The following C6 variants were observed in gnomAD, a reference collection of about 807,000 sequenced individuals.
C6 encodes the protein complement component C6.
C6 carries 101 observed loss-of-function variants against 112.9 expected under a neutral mutation model. The observed-to-expected ratio is 0.89, with a 90% CI of 0.76 to 1.06. The LOEUF (loss-of-function observed/expected upper bound fraction) is 1.06, where lower values mean the gene tolerates loss of function less well. Ranked by LOEUF, C6 falls within the 50% of genes least tolerant of loss-of-function variation. The pLI is 0.00. For missense variants in C6, 1,202 were observed against 1,104.6 expected, an observed-to-expected ratio of 1.09 and a Z score of -1.25; for synonymous variants, 431 against 384.1, an observed-to-expected ratio of 1.12 and a Z score of -1.43.
intron 9 of C6, among the ~76,000 whole-genome samples, chr5:41,165,906 A>G (rs1283019902): frequency 6.6e-6 from 1 of 152,156 alleles, no homozygotes; most frequent in East Asian, 1.9e-4. Flanking sequence ...AATACATCAC[A>G]GCATGAAATA....
chr5:41,258,960 G>A (rs1247367221), intron 1 of C6, among the ~76,000 whole-genome samples: 1 of 152,134 alleles, frequency 6.6e-6, no homozygotes, highest in Non-Finnish European at 1.5e-5. Context: ...TGGGGATTAT[G>A]AGGATTACAA....
intron 17 of C6, 52 bp downstream of exon 17, chr5:41,149,189 C>T: frequency 6.2e-7 from 1 of 1,602,314 alleles, no homozygotes; most frequent in Non-Finnish European, 8.6e-7. Context: ...GATGTACTAG[C>T]TGAGATGAAG....
chr5:41,173,567 G>A (rs1399181898), intron 8 of C6, among the ~76,000 whole-genome samples: 3 of 152,158 alleles, frequency 2.0e-5, no homozygotes, highest in African/African-American at 4.8e-5. Context: ...GAGCACATGA[G>A]AGGTAGAGCT....
intron 1 of C6, among the ~76,000 whole-genome samples, chr5:41,239,455 T>C (rs114989178): frequency 0.026 from 3,905 of 152,176 alleles, 166 homozygotes; most frequent in African/African-American, 0.09. Context: ...TCAAGTCATC[T>C]CCTCTAGCTA....
chr5:41,143,835 C>A (rs115798081), intron 17 of C6, among the ~76,000 whole-genome samples: 1 of 152,156 alleles, frequency 6.6e-6, no homozygotes, highest in Non-Finnish European at 1.5e-5. Context: ...TCCTATGAGG[C>A]CTGCTTTTGG....
intron 1 of C6, among the ~76,000 whole-genome samples, chr5:41,209,026 A>G (rs1751674942): frequency 1.3e-5 from 2 of 152,290 alleles, no homozygotes; most frequent in East Asian, 1.9e-4. Flanking sequence ...ATCCACCACA[A>G]TCAGGTTGGC....
Position 41,195,928 on chromosome 5 carries a change from A to G in C6, c.451T>C (p.Cys151Arg), listed in dbSNP as rs1207269903. 1.9e-6 allele frequency: 3 copies of G among 1,613,898 alleles called. No individual in the cohort carries two copies. The African/African-American group carries it at 4.0e-5, about 22-fold the overall frequency. ...KNKFRCDSGR[C>R]IARKLECNGE... ...TTGCATTCTAACTTTCTGGCAATGC[A>G]GCGGCCTAGTCAAGAAAAGCAAACA... Residue 151 changes from cysteine (C) to arginine (R), a missense_variant, in exon 5 of 18, where the codon TGC becomes CGC. Physicochemically the swap from Cys to Arg is radical, Grantham distance 180. Coordinates refer to ENST00000337836, the MANE Select transcript of C6 (RefSeq NM_000065.5).
At position 41,142,368 on chromosome 5, in the gene C6, T is replaced by G. The variant is rs531644988; in HGVS notation, c.*457A>C. ...GGACTTTGGTCAGTACTTGACATCC[T>G]GTATACACACTCAGAAATTATTTGT... On this transcript the variant is annotated 3_prime_UTR_variant, in exon 18 of 18. Transcript: ENST00000337836. 1 of 195,168 alleles carries G rather than the reference T, an allele frequency of 5.1e-6. No homozygotes were observed. The highest frequency in any genetic ancestry group is 2.3e-5 in the African/African-American group (1 of 43,594). 12.1% of individuals were successfully genotyped at this position (195,168 alleles called of 1,614,324 possible).
rs1448665675 is a variant in C6, at chr5:41,149,339, T to A, written c.2525A>T (p.Gln842Leu). Residue 842 changes from glutamine (Q) to leucine (L), a missense_variant, in exon 17 of 18, where the codon CAG becomes CTG. Physicochemically the swap from Gln to Leu is moderately radical, Grantham distance 113. Coordinates refer to ENST00000337836, the MANE Select transcript of C6 (RefSeq NM_000065.5). ...TGTCCTTTCAAGACCCCATTCTAACTGGCGGCCGTCTTGGCAGGAACCAAT... is the reference window on the plus strand; with the variant it reads ...TGTCCTTTCAAGACCCCATTCTAACAGGCGGCCGTCTTGGCAGGAACCAAT... ...LHIGSCQDGR[Q>L]LEWGLERTRL... The A allele has an allele frequency of 6.2e-7, 1 of 1,614,010 alleles. No homozygotes were observed. The highest frequency in any genetic ancestry group is 1.7e-5 in the Admixed American group (1 of 59,990).
chr5:41,221,372 A>T (rs952675138), intron 1 of C6, among the ~76,000 whole-genome samples: 15 of 152,198 alleles, frequency 9.9e-5, no homozygotes, highest in Non-Finnish European at 1.9e-4. Flanking sequence ...ATTCTCAGTT[A>T]TTACAATGGT....
intron 9 of C6, among the ~76,000 whole-genome samples, chr5:41,164,443 T>C (rs1411904813): frequency 1.3e-5 from 2 of 152,012 alleles, no homozygotes; most frequent in African/African-American, 2.4e-5. Flanking sequence ...ACAGCACATA[T>C]AGGCATGAGT....
chr5:41,189,275 T>C (rs1352944816), intron 5 of C6, among the ~76,000 whole-genome samples: 1 of 152,032 alleles, frequency 6.6e-6, no homozygotes, highest in East Asian at 1.9e-4. Context: ...CATTCCTAAG[T>C]ATATATGAAA....
intron 1 of C6, among the ~76,000 whole-genome samples, chr5:41,229,534 A>G (rs1198187082): frequency 1.3e-5 from 2 of 152,152 alleles, no homozygotes; most frequent in African/African-American, 4.8e-5. Flanking sequence ...GTGATCAGAA[A>G]AGATGGTGCA....
intron 4 of C6, among the ~76,000 whole-genome samples, chr5:41,198,739 T>C (rs1453429749): frequency 1.3e-5 from 2 of 152,160 alleles, no homozygotes; most frequent in Non-Finnish European, 2.9e-5. Flanking sequence ...AGATCCTTTG[T>C]AATTTTTCAT....
At chr5:41,172,806 CTG>C (rs1748539856) in intron 8 of C6, 1 of 183,106 alleles carries the variant, frequency 5.5e-6, no homozygotes, top group African/African-American at 2.4e-5. Context: ...ACTGCTGATT[CTG>C]TGAGACCTGA....
intron 5 of C6, among the ~76,000 whole-genome samples, chr5:41,190,795 G>A (rs1750134308): frequency 6.6e-6 from 1 of 152,010 alleles, no homozygotes; most frequent in Admixed American, 6.6e-5. Context: ...GAGTGGTGGG[G>A]GTCCAGTTTC....
intron 1 of C6, among the ~76,000 whole-genome samples, chr5:41,226,288 C>G (rs577764553): frequency 6.6e-6 from 1 of 152,160 alleles, no homozygotes; most frequent in South Asian, 2.1e-4. Flanking sequence ...AAAAAGTGGG[C>G]GAAGGATATG....
chr5:41,152,803 T>G (rs1391131571), intron 15 of C6: 1 of 152,208 alleles, frequency 6.6e-6, no homozygotes, highest in Non-Finnish European at 1.5e-5. Context: ...TATACATTGT[T>G]TCCAAAAAGA....
Position 41,201,671 on chromosome 5 carries a change from G to C in C6, c.187C>G (p.Gln63Glu). The C allele has an allele frequency of 1.2e-6, 2 of 1,613,504 alleles. No homozygotes were observed. The highest frequency in any genetic ancestry group is 1.1e-5 in the South Asian group (1 of 91,054). ...CTAGTCTCCTGCTTGCTGCAAATCT[G>C]TTCACAAAAGTTTTCCTGGTAGTAC... ...DKYYQENFCE[Q>E]ICSKQETREC... The change falls in exon 3 of 18, where the codon CAG becomes GAG. Residue 63 changes from glutamine (Q) to glutamate (E), a missense_variant. Transcript: ENST00000337836.
Sources: gnomAD v4.1 joint callset for allele counts (sites outside exome capture counted in the v4.1 genomes callset) on GRCh38, gnomAD v4.1.1 for gene constraint, MANE v1.5 for transcripts, NCBI Gene and HGNC (gene_info 2026-07-23, HGNC 2026-07-21) for gene names.